SUCLG2: variants seen among roughly 807,000 people sequenced by gnomAD.
SUCLG2 encodes the protein succinate--CoA ligase [GDP-forming] subunit beta, mitochondrial.
In SUCLG2, 42 loss-of-function variants were observed where a neutral mutation model predicts 47.9. That is an observed-to-expected ratio of 0.88 (90% CI 0.69 to 1.14). The LOEUF (loss-of-function observed/expected upper bound fraction) is 1.14. Among genes scored for constraint, SUCLG2 ranks in the 50% most tolerant of loss-of-function variants. The pLI is 0.00. For synonymous variants in SUCLG2, 195 were observed against 197.3 expected, an observed-to-expected ratio of 0.99 and a Z score of 0.10; for missense variants, 571 against 525.9, an observed-to-expected ratio of 1.09 and a Z score of -0.84.
intron 9 of SUCLG2, among the ~76,000 whole-genome samples, chr3:67,432,385 T>C (rs1703507879): frequency 6.6e-6 from 1 of 152,214 alleles, no homozygotes; most frequent in South Asian, 2.1e-4. Context: ...AATATTAATT[T>C]ATGATCAACA....
At chr3:67,366,482 T>C (rs983868545) in intron 10 of SUCLG2, among the ~76,000 whole-genome samples, 1 of 152,220 alleles carries the variant, frequency 6.6e-6, no homozygotes, top group Admixed American at 6.5e-5. Flanking sequence ...CTCTATTTAA[T>C]CTCTGTTATC....
chr3:67,401,392 C>G (rs1702680272), intron 9 of SUCLG2, among the ~76,000 whole-genome samples: 1 of 151,948 alleles, frequency 6.6e-6, no homozygotes, highest in South Asian at 2.1e-4. Context: ...GTTTAATTAT[C>G]TTAGACAGCA....
At chr3:67,436,243 G>C (rs1056439713) in intron 9 of SUCLG2, among the ~76,000 whole-genome samples, 3 of 152,144 alleles carry the variant, frequency 2.0e-5, no homozygotes, top group Admixed American at 2.0e-4. Context: ...CTCTGCTTCA[G>C]TTCCTGCAGG....
chr3:67,648,931 C>G (rs1701238712), intron 1 of SUCLG2, among the ~76,000 whole-genome samples: 1 of 152,128 alleles, frequency 6.6e-6, no homozygotes, highest in South Asian at 2.1e-4. Flanking sequence ...TATCACTTTG[C>G]CTTTGTGGAG....
chr3:67,563,093 A>C (rs568612702), intron 2 of SUCLG2, among the ~76,000 whole-genome samples: 1 of 149,040 alleles, frequency 6.7e-6, no homozygotes, highest in Non-Finnish European at 1.5e-5. Context: ...GTTTATTTAT[A>C]ATTTTAATAT....
At chr3:67,625,859 C>T (rs540437579) in intron 1 of SUCLG2, among the ~76,000 whole-genome samples, 1 of 151,996 alleles carries the variant, frequency 6.6e-6, no homozygotes, top group East Asian at 1.9e-4. Context: ...CTAAACCAAG[C>T]TGCTATATTC....
chr3:67,625,970 G>A (rs548272123), intron 1 of SUCLG2, among the ~76,000 whole-genome samples: 17 of 151,956 alleles, frequency 1.1e-4, no homozygotes, highest in African/African-American at 4.1e-4. Flanking sequence ...AGTCAAAAGA[G>A]CATAGGACAG....
chr3:67,516,492 T>C (rs1705949070), intron 6 of SUCLG2, among the ~76,000 whole-genome samples: 1 of 152,214 alleles, frequency 6.6e-6, no homozygotes, highest in East Asian at 1.9e-4. Context: ...AGCTTTTAAA[T>C]ATGTGGTCAG....
At chr3:67,521,932 C>G (rs559315328) in intron 4 of SUCLG2, among the ~76,000 whole-genome samples, 3 of 152,114 alleles carry the variant, frequency 2.0e-5, no homozygotes, top group South Asian at 4.1e-4. Context: ...TTTTTAAAAT[C>G]TTAATACTAC....
intron 10 of SUCLG2, among the ~76,000 whole-genome samples, chr3:67,377,108 C>A (rs1249986134): frequency 6.6e-6 from 1 of 152,170 alleles, no homozygotes; most frequent in Non-Finnish European, 1.5e-5. Context: ...GAAATCTTTA[C>A]AAAAACTATG....
chr3:67,413,582 G>A (rs1206260506), intron 9 of SUCLG2, among the ~76,000 whole-genome samples: 2 of 152,184 alleles, frequency 1.3e-5, no homozygotes, highest in African/African-American at 4.8e-5. Context: ...AATAAACTGT[G>A]TCATTGAGCT....
At chr3:67,547,172 T>C (rs1314689099) in intron 2 of SUCLG2, among the ~76,000 whole-genome samples, 1 of 152,072 alleles carries the variant, frequency 6.6e-6, no homozygotes, top group East Asian at 1.9e-4. Context: ...CCCAGAGAGT[T>C]CCCTCATCCC....
intron 2 of SUCLG2, among the ~76,000 whole-genome samples, chr3:67,532,178 C>T (rs1706422050): frequency 6.6e-6 from 1 of 152,158 alleles, no homozygotes; most frequent in Non-Finnish European, 1.5e-5. Context: ...CTTTGTCACC[C>T]AGGCTGGAGT....
chr3:67,530,950 A>T (rs1172404062), intron 2 of SUCLG2, among the ~76,000 whole-genome samples: 1 of 152,232 alleles, frequency 6.6e-6, no homozygotes, highest in Non-Finnish European at 1.5e-5. Context: ...AGGATATTGG[A>T]GTTAAACAGA....
At chr3:67,410,295 C>T (rs1000478748) in intron 9 of SUCLG2, among the ~76,000 whole-genome samples, 1 of 152,128 alleles carries the variant, frequency 6.6e-6, no homozygotes, top group East Asian at 1.9e-4. Context: ...AGGCCCTGGC[C>T]AGGCCAAGGG....
chr3:67,458,975 T>C (rs1445543706), intron 9 of SUCLG2, among the ~76,000 whole-genome samples: 2 of 152,200 alleles, frequency 1.3e-5, no homozygotes, highest in Non-Finnish European at 2.9e-5. Flanking sequence ...CAAAGTAGCC[T>C]GGAAAGAGAA....
intron 9 of SUCLG2, among the ~76,000 whole-genome samples, chr3:67,459,693 A>G (rs989170628): frequency 6.6e-6 from 1 of 152,252 alleles, no homozygotes; most frequent in Non-Finnish European, 1.5e-5. Flanking sequence ...TGCTAGGAAC[A>G]AAGAAATAAA....
At chr3:67,522,010 A>G (rs1043578733) in intron 4 of SUCLG2, among the ~76,000 whole-genome samples, 1 of 151,324 alleles carries the variant, frequency 6.6e-6, no homozygotes, top group Non-Finnish European at 1.5e-5. Flanking sequence ...GACAATATTT[A>G]TTTAACCATG....
chr3:67,393,292 C>T (rs142645901), intron 10 of SUCLG2, among the ~76,000 whole-genome samples: 11,278 of 152,150 alleles, frequency 0.074, 323 homozygotes, highest in Middle Eastern at 0.14. Context: ...ACAGATGGCA[C>T]CTGGAAAATC....
Sources: allele counts gnomAD v4.1 joint callset (sites outside exome capture counted in the v4.1 genomes callset), GRCh38; gene constraint gnomAD v4.1.1; transcripts MANE v1.5; gene names NCBI Gene and HGNC (gene_info 2026-07-23, HGNC 2026-07-21).